Variants in CAMLG observed in about 807,000 individuals in gnomAD.
CAMLG encodes the protein guided entry of tail-anchored proteins factor CAMLG.
CAMLG carries 23 observed loss-of-function variants against 28.9 expected under a neutral mutation model. That is an observed-to-expected ratio of 0.80 (90% CI 0.57 to 1.13). The LOEUF is 1.13. CAMLG is among the 50% of genes most tolerant of loss of function. The probability of loss-of-function intolerance (pLI) is 0.00; values close to 1 mark genes in which losing one functional copy is unlikely to be tolerated. For missense variants in CAMLG, 367 were observed against 371.9 expected (o/e 0.99, Z 0.11); for synonymous variants, 141 against 146.5 (o/e 0.96, Z 0.27).
rs1201822944 is a variant in CAMLG at position 134,738,748 on chromosome 5, G to C, written c.128G>C (p.Arg43Pro). The C allele has an allele frequency of 1.2e-6, 2 of 1,613,986 alleles. No individual in the cohort carries two copies. Among genetic ancestry groups the C allele is most frequent in the Non-Finnish European group, 1.7e-6 (2 of 1,179,994 alleles). ...AAGCTGCTCATGAACTCGGAACAGC[G>C]CATCAACCGGATCATGGGCTTTCAC... Reference protein sequence around the residue: ...RRKLLMNSEQRINRIMGFHRP... With the variant: ...RRKLLMNSEQPINRIMGFHRP... Residue 43 changes from arginine to proline, a missense_variant, in exon 1 of 4, where the codon CGC becomes CCC. Transcript: ENST00000297156.
In CAMLG at chr5:134,741,156, A is replaced by T; in HGVS notation, c.266A>T (p.Asp89Val). The part of the protein sequence containing the change: ...PSVSKRVVLG[D>V]SVSTGTTDQQ... ...GTTTCAAAGCGAGTAGTGCTGGGTG[A>T]TTCAGTCAGTACAGGAACAACTGAC... is the stretch of plus-strand genomic sequence containing the variant. Residue 89 changes from aspartate to valine, a missense_variant, in exon 2 of 4, where the codon GAT becomes GTT. Physicochemically the swap from Asp to Val is radical, Grantham distance 152. Transcript: ENST00000297156. 1 of 1,614,120 alleles carries T rather than the reference A, an allele frequency of 6.2e-7. No homozygotes were observed. The highest frequency in any genetic ancestry group is 8.5e-7 in the Non-Finnish European group (1 of 1,179,948).
rs1752978420 is a variant in CAMLG, at chr5:134,741,210, G to A, written c.320G>A (p.Gly107Glu). ...DQQGGVAEVK[G>E]TQLGDKLDSF... ...CAGGGTGGTGTGGCCGAGGTAAAGGGGACCCAACTGGGAGACAAATTGGAC... is the reference window on the plus strand; with the variant it reads ...CAGGGTGGTGTGGCCGAGGTAAAGGAGACCCAACTGGGAGACAAATTGGAC... Residue 107 changes from glycine to glutamate, a missense_variant, in exon 2 of 4, where the codon GGG (glycine) becomes GAG (glutamate). Gly to Glu is a moderately conservative substitution (Grantham distance 98, BLOSUM62 -2). Coordinates refer to ENST00000297156, the MANE Select transcript of CAMLG (RefSeq NM_001745.4). 4.3e-6 allele frequency: 7 copies of A among 1,614,040 alleles called. No homozygotes were observed. The highest frequency in any genetic ancestry group is 5.9e-6 in the Non-Finnish European group (7 of 1,180,052).
At chr5:134,743,346 T>A (rs750094321) in intron 2 of CAMLG, among the ~76,000 whole-genome samples, 2 of 152,176 alleles carry the variant, frequency 1.3e-5, no homozygotes, top group Non-Finnish European at 2.9e-5. Flanking sequence ...GCTAAAAGAA[T>A]ATGAAAGAAT....
intron 3 of CAMLG, 144 bp from the exon 4 acceptor site, chr5:134,750,615 T>C: frequency 1.7e-6 from 1 of 578,260 alleles, no homozygotes; most frequent in Non-Finnish European, 3.1e-6. Context: ...TCAGTAAATG[T>C]TGGTATCTTA....
intron 1 of CAMLG, among the ~76,000 whole-genome samples, chr5:134,739,655 C>T (rs1018859562): frequency 6.6e-6 from 1 of 152,162 alleles, no homozygotes; most frequent in Non-Finnish European, 1.5e-5. Flanking sequence ...TGGTCGCAAG[C>T]TCCTTATATC....
chr5:134,748,605 C>T (rs940277082), intron 3 of CAMLG, among the ~76,000 whole-genome samples: 9 of 152,152 alleles, frequency 5.9e-5, no homozygotes, highest in Non-Finnish European at 1.0e-4. Context: ...GCTTGAAATG[C>T]TTGTCTTAAT....
At chr5:134,743,373 CATATT>C (rs1296291011) in intron 2 of CAMLG, among the ~76,000 whole-genome samples, 1 of 152,114 alleles carries the variant, frequency 6.6e-6, no homozygotes, top group African/African-American at 2.4e-5. Context: ...ACTTGAGAAA[CATATT>C]TTATGTTAGG....
chr5:134,743,960 A>G, intron 2 of CAMLG, 27 bp from the exon 3 acceptor site: 1 of 1,056,562 alleles, frequency 9.5e-7, no homozygotes, highest in Non-Finnish European at 1.4e-6. Context: ...TGTTGGAAAT[A>G]TTTAATTTTA....
At position 134,747,859 on chromosome 5, in the gene CAMLG, CTCTT is replaced by C. The variant is rs758990637; in HGVS notation, c.700-2894_700-2891del. Among the ~76,000 whole-genome samples the C allele has an allele frequency of 3.1e-3, 474 of 150,860 alleles. 3 individuals carry two copies. Among genetic ancestry groups the C allele is most frequent in the Middle Eastern group, 0.024 (7 of 292 alleles). On this transcript the variant is annotated intron_variant, in intron 3 of 3. Coordinates refer to ENST00000297156, the MANE Select transcript of CAMLG (RefSeq NM_001745.4). ...GTTTCACCATGCTGACCAGGATGGT[CTCTT>C]TCTTTTTTTTTTTTTTTGAGATGGA... is the stretch of plus-strand genomic sequence containing the variant.
chr5:134,750,880 T>C lies in CAMLG; in HGVS notation c.821T>C (p.Leu274Pro). 6.2e-7 allele frequency: 1 copy of C among 1,614,052 alleles called. No homozygotes were observed. ...AAAATGGGCGAAGTCTTCACAGATC[T>C]CTGTGTCTACTTTTTCACTTTTATC... Reference protein sequence around the residue: ...YSKMGEVFTDLCVYFFTFIFC... With the variant: ...YSKMGEVFTDPCVYFFTFIFC... Residue 274 changes from leucine to proline, a missense_variant, in exon 4 of 4, where the codon CTC becomes CCC. Coordinates refer to ENST00000297156, the MANE Select transcript of CAMLG (RefSeq NM_001745.4).
chr5:134,750,772 TA>T lies in CAMLG; in HGVS notation c.716del (p.Lys239ArgfsTer5), dbSNP rs1306134327. ...YKYFPKSEKKIKTTVLTAALL... is the reference protein window; with the variant it reads ...YKYFPKSEKKXKTTVLTAALL... ...TTCTCTACACAGAGTGAAAAGAAGA[TA>T]AAGACAACAGTACTAACAGCTGCAC... On this transcript the variant is annotated frameshift_variant, in exon 4 of 4. Coordinates refer to ENST00000297156, the MANE Select transcript of CAMLG (RefSeq NM_001745.4). LOFTEE classifies it high-confidence loss of function. 1 of 1,612,154 alleles carries T rather than the reference TA, an allele frequency of 6.2e-7. No individual in the cohort carries two copies. Among genetic ancestry groups the T allele is most frequent in the South Asian group, 1.1e-5 (1 of 91,000 alleles).
intron 1 of CAMLG, 115 bp downstream of exon 1, chr5:134,738,907 T>C (rs2150120266): frequency 9.7e-7 from 1 of 1,026,116 alleles, no homozygotes; most frequent in South Asian, 1.4e-5. Context: ...TGCTCTTTGA[T>C]TTCCTCTCTG....
At chr5:134,749,426 TAAAG>T (rs1311755457) in intron 3 of CAMLG, among the ~76,000 whole-genome samples, 1 of 152,148 alleles carries the variant, frequency 6.6e-6, no homozygotes, top group African/African-American at 2.4e-5. Flanking sequence ...TTTGTGATAA[TAAAG>T]AAAAATTCAG....
At chr5:134,744,351 C>T (rs1229558550) in intron 3 of CAMLG, among the ~76,000 whole-genome samples, 3 of 151,970 alleles carry the variant, frequency 2.0e-5, no homozygotes, top group African/African-American at 7.3e-5. Flanking sequence ...TGGTGCAACC[C>T]CATCTCTGCT....
intron 3 of CAMLG, among the ~76,000 whole-genome samples, chr5:134,745,254 G>A (rs541256355): frequency 5.6e-4 from 85 of 151,222 alleles, no homozygotes; most frequent in African/African-American, 2.0e-3. Flanking sequence ...TGGCTGACAG[G>A]GTGAAATCCC....
chr5:134,743,171 T>A (rs1174838129), intron 2 of CAMLG, among the ~76,000 whole-genome samples: 1 of 152,168 alleles, frequency 6.6e-6, no homozygotes, highest in Non-Finnish European at 1.5e-5. Context: ...TGCCACGTAT[T>A]TTGAGTGCTG....
At chr5:134,746,536 C>T (rs1426188052) in intron 3 of CAMLG, among the ~76,000 whole-genome samples, 3 of 152,060 alleles carry the variant, frequency 2.0e-5, no homozygotes, top group Non-Finnish European at 4.4e-5. Context: ...GGCTGAAGTG[C>T]AGTGGCACGA....
rs767032715 is a variant in CAMLG at position 134,741,295 on chromosome 5, C to T, written c.405C>T (p.Asn135=). Reference sequence around the variant, plus strand: ...TCAACCTTGAGCTCCGGCAGCGGAACAGAGGGGACCTGACAGCGGACTCGG... The same window carrying T: ...TCAACCTTGAGCTCCGGCAGCGGAATAGAGGGGACCTGACAGCGGACTCGG... The part of the protein sequence containing the change: ...SDVNLELRQR[N]RGDLTADSVQ... Residue 135 remains asparagine, a synonymous_variant, in exon 2 of 4, where the codon AAC becomes AAT. Transcript: ENST00000297156. 1 of 1,614,158 alleles carries T rather than the reference C, an allele frequency of 6.2e-7. No individual in the cohort carries two copies. Among genetic ancestry groups the T allele is most frequent in the Non-Finnish European group, 8.5e-7 (1 of 1,180,006 alleles).
Position 134,748,028 on chromosome 5 carries a change from AT to A in CAMLG, c.700-2723del, listed in dbSNP as rs1236806887. Among the ~76,000 whole-genome samples the A allele has an allele frequency of 4.0e-5, 6 of 149,488 alleles. No individual in the cohort carries two copies. In the East Asian group the frequency reaches 8.1e-4, roughly 20 times the overall value. On this transcript the variant is annotated intron_variant, in intron 3 of 3. Transcript: ENST00000297156. Reference sequence around the variant, plus strand: ...AGGCATGTGCCACCACACCTGGCTAATTTTTTTTGTATTTCAGTAGAGACGG... The same window carrying A: ...AGGCATGTGCCACCACACCTGGCTAATTTTTTTGTATTTCAGTAGAGACGG...
Sources: allele counts gnomAD v4.1 joint callset (sites outside exome capture counted in the v4.1 genomes callset), GRCh38; gene constraint gnomAD v4.1.1; transcripts MANE v1.5; gene names NCBI Gene and HGNC (gene_info 2026-07-23, HGNC 2026-07-21).